MRPS6: variants seen among roughly 807,000 people sequenced by gnomAD.
MRPS6 encodes mitochondrial ribosomal protein S6.
In MRPS6, 6 loss-of-function variants were observed where a neutral mutation model predicts 13.1. The observed-to-expected ratio is 0.46, with a 90% CI of 0.25 to 0.91. The LOEUF (loss-of-function observed/expected upper bound fraction) is 0.91. MRPS6 is among the 40% of genes least tolerant of loss of function. The pLI is 0.18. For missense variants in MRPS6, 164 were observed against 155.6 expected, an observed-to-expected ratio of 1.05 and a Z score of -0.29; for synonymous variants, 61 against 56.5, an observed-to-expected ratio of 1.08 and a Z score of -0.36.
rs1009461865 is a variant in MRPS6 at position 34,103,327 on chromosome 21, A to C, written c.46-22014A>C. On this transcript the variant is annotated intron_variant, in intron 1 of 2. Transcript: ENST00000399312. The stretch of plus-strand genomic sequence containing the variant: ...CTAGTGAAGGAAGTAAAAAAAAAAA[A>C]AAAACATGCATTACATTGACATACT... 5 of 998,988 alleles carry C rather than the reference A, an allele frequency of 5.0e-6. No individual in the cohort carries two copies. The South Asian group carries it at 1.9e-4, about 38-fold the overall frequency. The allele number at this position is 998,988 out of a possible 1,614,324, so 61.9% of individuals were successfully genotyped here. A position where few individuals can be genotyped will look rare whatever the true frequency, so the allele number is the denominator to read the frequency against.
At chr21:34,076,855 A>G (rs958983810) in intron 1 of MRPS6, among the ~76,000 whole-genome samples, 4 of 152,228 alleles carry the variant, frequency 2.6e-5, no homozygotes, top group Non-Finnish European at 5.9e-5. Context: ...TGTTACACCC[A>G]TATCAGATAG....
chr21:34,075,916 G>T (rs1019797268), intron 1 of MRPS6, among the ~76,000 whole-genome samples: 3 of 152,158 alleles, frequency 2.0e-5, no homozygotes, highest in African/African-American at 7.2e-5. Context: ...CTTGCACACC[G>T]GTAGCAGGCC....
At chr21:34,088,671 T>G (rs534364755) in intron 1 of MRPS6, among the ~76,000 whole-genome samples, 5 of 152,216 alleles carry the variant, frequency 3.3e-5, no homozygotes, top group Non-Finnish European at 7.3e-5. Flanking sequence ...TTTAGACATA[T>G]AGATGTGAGG....
chr21:34,104,728 AG>A (rs1467264793), intron 1 of MRPS6: 1 of 999,302 alleles, frequency 1.0e-6, no homozygotes, highest in East Asian at 1.1e-4. Context: ...CCAGAAGTGC[AG>A]GAAAGAGAAG....
intron 1 of MRPS6, among the ~76,000 whole-genome samples, chr21:34,108,093 AACG>A (rs1979552708): frequency 6.6e-6 from 1 of 152,178 alleles, no homozygotes; most frequent in Non-Finnish European, 1.5e-5. Context: ...GTGATCTTGT[AACG>A]TACCGTAACA....
At position 34,125,332 on chromosome 21, in the gene MRPS6, C is replaced by CA. The variant is rs768838429; in HGVS notation, c.46-4dup. 1.1e-5 allele frequency: 18 copies of CA among 1,597,458 alleles called. 1 individual carries two copies. In the South Asian group the frequency reaches 1.9e-4, roughly 17 times the overall value. On this transcript the variant is annotated splice_polypyrimidine_tract_variant and intron_variant, in intron 1 of 2. Coordinates refer to ENST00000399312, the MANE Select transcript of MRPS6 (RefSeq NM_032476.4). ...TTTTTCTTTTCTTTAAAAACACAAA[C>CA]AAAAACAGCCAGAGACTGCTGCTAC...
chr21:34,100,511 C>G, intron 1 of MRPS6: 1 of 1,000,240 alleles, frequency 1.0e-6, no homozygotes, highest in Non-Finnish European at 1.2e-6. Flanking sequence ...TAGATCTCAT[C>G]TCCTAGGGCT....
chr21:34,135,349 T>TTTG, intron 2 of MRPS6: 1 of 126,374 alleles, frequency 7.9e-6, no homozygotes, highest in Non-Finnish European at 1.4e-5. Flanking sequence ...AGAGCCGGTT[T>TTTG]TTTTTTTTTT....
In MRPS6 at chr21:34,073,680, G is replaced by A; in HGVS notation, c.-21G>A. 1.3e-6 allele frequency: 2 copies of A among 1,513,608 alleles called. No individual in the cohort carries two copies. The highest frequency in any genetic ancestry group is 1.9e-5 in the Admixed American group (1 of 53,880). The allele number at this position is 1,513,608 out of a possible 1,614,324, so 93.8% of individuals were successfully genotyped here. On this transcript the variant is annotated 5_prime_UTR_variant, in exon 1 of 3. Coordinates refer to ENST00000399312, the MANE Select transcript of MRPS6 (RefSeq NM_032476.4). ...CCGGGAACCGGCTGGCTTCCGAGCCGCACTCGCCGATCCTCCAGGCATGCC... is the reference window on the plus strand; with the variant it reads ...CCGGGAACCGGCTGGCTTCCGAGCCACACTCGCCGATCCTCCAGGCATGCC...
intron 2 of MRPS6, among the ~76,000 whole-genome samples, chr21:34,128,075 T>C (rs1980372248): frequency 6.6e-6 from 1 of 152,154 alleles, no homozygotes; most frequent in Non-Finnish European, 1.5e-5. Context: ...GTATCGTGTG[T>C]TTGTTGCTTT....
intron 1 of MRPS6, among the ~76,000 whole-genome samples, chr21:34,113,591 C>T (rs766677293): frequency 2.4e-4 from 36 of 152,168 alleles, no homozygotes; most frequent in Admixed American, 2.0e-4. Flanking sequence ...CAGAATAGAG[C>T]AGTCCATCAG....
rs556826923 is a variant in MRPS6 at position 34,086,986 on chromosome 21, A to T, written c.45+13241A>T. On this transcript the variant is annotated intron_variant, in intron 1 of 2. Coordinates refer to ENST00000399312, the MANE Select transcript of MRPS6 (RefSeq NM_032476.4). ...AGGGAAGGTCTGCACATATCACTGC[A>T]CACTAAGAGGTGGATGTCGACAGTT... 2.0e-4 allele frequency among the ~76,000 whole-genome samples: 30 copies of T among 152,274 alleles called. No homozygotes were observed. In the South Asian group the frequency reaches 6.2e-3, roughly 32 times the overall value.
intron 1 of MRPS6, among the ~76,000 whole-genome samples, chr21:34,088,332 G>A (rs946074538): frequency 3.9e-5 from 6 of 152,174 alleles, no homozygotes; most frequent in African/African-American, 1.4e-4. Context: ...TGGATGGTGA[G>A]AACATAGATA....
intron 1 of MRPS6, chr21:34,095,298 A>C: frequency 6.2e-7 from 1 of 1,614,122 alleles, no homozygotes; most frequent in Non-Finnish European, 8.5e-7. Flanking sequence ...ATCTAATAGA[A>C]GCACCGTGAG....
chr21:34,082,987 C>CA (rs1383076178), intron 1 of MRPS6, among the ~76,000 whole-genome samples: 10 of 152,288 alleles, frequency 6.6e-5, no homozygotes, highest in African/African-American at 2.4e-4. Flanking sequence ...ACAGACTTAG[C>CA]AAAACTTTCT....
chr21:34,086,945 C>G (rs1448477571), intron 1 of MRPS6, among the ~76,000 whole-genome samples: 2 of 152,116 alleles, frequency 1.3e-5, no homozygotes, highest in Non-Finnish European at 2.9e-5. Flanking sequence ...GGAACAGTTG[C>G]CAGACAGACA....
chr21:34,131,115 C>CCG (rs1301717133), intron 2 of MRPS6, among the ~76,000 whole-genome samples: 1 of 152,142 alleles, frequency 6.6e-6, no homozygotes, highest in Non-Finnish European at 1.5e-5. Flanking sequence ...GATTCAATCA[C>CCG]CAAGAGTAGA....
chr21:34,130,174 T>A (rs1602963212), intron 2 of MRPS6, among the ~76,000 whole-genome samples: 2 of 151,342 alleles, frequency 1.3e-5, no homozygotes, highest in East Asian at 3.9e-4. Context: ...TCCACTTGTC[T>A]GCTAGGGAGA....
intron 1 of MRPS6, chr21:34,100,219 C>A: frequency 1.0e-6 from 1 of 1,000,144 alleles, no homozygotes; most frequent in Non-Finnish European, 1.2e-6. Flanking sequence ...AATGGTATCC[C>A]CAGTTCTTAG....
Sources: allele counts gnomAD v4.1 joint callset (sites outside exome capture counted in the v4.1 genomes callset), GRCh38; gene constraint gnomAD v4.1.1; transcripts MANE v1.5; gene names NCBI Gene and HGNC (gene_info 2026-07-23, HGNC 2026-07-21).